COL25A1: variants seen among roughly 807,000 people sequenced by gnomAD.
The protein encoded by COL25A1 is collagen alpha-1(XXV) chain.
A neutral mutation model predicts 128.4 loss-of-function variants in COL25A1; 103 were observed. That is an observed-to-expected ratio of 0.80 (90% confidence interval 0.68 to 0.94). COL25A1 has a LOEUF of 0.94. COL25A1 is among the 40% of genes least tolerant of loss of function. The pLI is 0.00. For missense variants in COL25A1, 745 were observed against 840.0 expected (o/e 0.89, Z 1.40); for synonymous variants, 279 against 277.2 (o/e 1.01, Z -0.06).
chr4:109,247,422 G>A (rs1780345037), intron 3 of COL25A1, among the ~76,000 whole-genome samples: 1 of 152,132 alleles, frequency 6.6e-6, no homozygotes, highest in Non-Finnish European at 1.5e-5. Context: ...GTCAGGTAAG[G>A]AAAAGTGAAA....
At chr4:108,886,059 G>C (rs1285771699) in intron 18 of COL25A1, among the ~76,000 whole-genome samples, 1 of 152,152 alleles carries the variant, frequency 6.6e-6, no homozygotes, top group East Asian at 1.9e-4. Flanking sequence ...TACAGAGATT[G>C]AGCATTTAAC....
chr4:109,142,696 TA>T (rs1185622848), intron 3 of COL25A1, among the ~76,000 whole-genome samples: 2 of 152,200 alleles, frequency 1.3e-5, no homozygotes, highest in Non-Finnish European at 2.9e-5. Context: ...TTTGTTGGCT[TA>T]AAGTCTGTTT....
chr4:109,078,268 G>T (rs1763554008), intron 3 of COL25A1, among the ~76,000 whole-genome samples: 1 of 152,108 alleles, frequency 6.6e-6, no homozygotes, highest in Non-Finnish European at 1.5e-5. Flanking sequence ...AGGGATCTTG[G>T]TTCTATTTAA....
At chr4:108,936,564 C>T (rs1215977223) in intron 11 of COL25A1, among the ~76,000 whole-genome samples, 1 of 151,984 alleles carries the variant, frequency 6.6e-6, no homozygotes, top group East Asian at 1.9e-4. Flanking sequence ...AAGACTCTGT[C>T]TCAAACAAAC....
chr4:108,943,147 G>A lies in COL25A1; in HGVS notation c.493-1710C>T, dbSNP rs1266498080. Among the ~76,000 whole-genome samples, 100 of 152,060 alleles carry A rather than the reference G, an allele frequency of 6.6e-4. 2 individuals are homozygous for A. The highest frequency in any genetic ancestry group is 4.4e-5 in the Non-Finnish European group (3 of 68,032). ...GGTACAATGGGATCTGTGTCTACAC[G>A]GTGTAAAGAGTTTGCTACACGAAGC... On this transcript the variant is annotated intron_variant, in intron 8 of 37. Transcript: ENST00000399132.
chr4:108,906,415 C>A (rs1300707310), intron 13 of COL25A1, among the ~76,000 whole-genome samples: 1 of 152,090 alleles, frequency 6.6e-6, no homozygotes, highest in African/African-American at 2.4e-5. Flanking sequence ...CCCCTGAGTT[C>A]CCCCCACTCC....
intron 3 of COL25A1, among the ~76,000 whole-genome samples, chr4:109,099,982 T>C (rs900466196): frequency 2.0e-5 from 3 of 152,132 alleles, no homozygotes; most frequent in African/African-American, 7.2e-5. Flanking sequence ...GGACAGCATG[T>C]GGGAAATCTC....
chr4:108,870,992 A>G (rs1005678216), intron 19 of COL25A1, among the ~76,000 whole-genome samples: 8 of 152,158 alleles, frequency 5.3e-5, no homozygotes, highest in Admixed American at 4.6e-4. Flanking sequence ...TTGCAAAAAC[A>G]TATTTCTTAT....
rs922401207 is a variant in COL25A1 at position 108,844,582 on chromosome 4, A to T, written c.1579-13T>A. ...GTGGGCCTATGATCTGTATGTCCAAAAAATAAAAATGTATTTGGTTACTTC... is the reference window on the plus strand; with the variant it reads ...GTGGGCCTATGATCTGTATGTCCAATAAATAAAAATGTATTTGGTTACTTC... On this transcript the variant is annotated splice_polypyrimidine_tract_variant and intron_variant, in intron 29 of 37. Transcript: ENST00000399132. The T allele has an allele frequency of 6.2e-7, 1 of 1,606,230 alleles. No homozygotes were observed. The highest frequency in any genetic ancestry group is 8.5e-7 in the Non-Finnish European group (1 of 1,177,850).
At chr4:108,905,320 A>T (rs2125872572) in intron 13 of COL25A1, among the ~76,000 whole-genome samples, 1 of 152,056 alleles carries the variant, frequency 6.6e-6, no homozygotes, top group Admixed American at 6.6e-5. Flanking sequence ...AAATGAAAAA[A>T]TATCTCACTA....
At chr4:108,900,879 C>T (rs1316914335) in intron 14 of COL25A1, among the ~76,000 whole-genome samples, 1 of 152,056 alleles carries the variant, frequency 6.6e-6, no homozygotes, top group African/African-American at 2.4e-5. Context: ...TTAAGTATCT[C>T]AGAATAAAGA....
At chr4:109,246,050 A>G (rs1780245964) in intron 3 of COL25A1, among the ~76,000 whole-genome samples, 1 of 150,612 alleles carries the variant, frequency 6.6e-6, no homozygotes, top group African/African-American at 2.4e-5. Context: ...AAAAAACATA[A>G]ACAATACACA....
chr4:109,278,301 A>C (rs1203635336), intron 3 of COL25A1, among the ~76,000 whole-genome samples: 1 of 152,226 alleles, frequency 6.6e-6, no homozygotes, highest in Admixed American at 6.5e-5. Flanking sequence ...ATAAATGTTC[A>C]GTGATTATAT....
intron 6 of COL25A1, among the ~76,000 whole-genome samples, chr4:108,975,051 G>C (rs951784484): frequency 6.6e-6 from 1 of 152,154 alleles, no homozygotes; most frequent in Non-Finnish European, 1.5e-5. Context: ...GTTGTAGATT[G>C]TTCTTACTGC....
intron 11 of COL25A1, among the ~76,000 whole-genome samples, chr4:108,932,483 C>T (rs1255783892): frequency 1.3e-5 from 2 of 152,084 alleles, no homozygotes; most frequent in African/African-American, 2.4e-5. Context: ...GATACCACTA[C>T]GGCCCAATGA....
chr4:109,019,375 CATATATATATAT>C (rs57842656), intron 5 of COL25A1, among the ~76,000 whole-genome samples: 2 of 48,890 alleles, frequency 4.1e-5, no homozygotes, highest in Non-Finnish European at 6.8e-5. Flanking sequence ...CACACACACA[CATATATATATAT>C]ATATATATAT....
chr4:108,897,036 T>C (rs190303169), intron 15 of COL25A1, among the ~76,000 whole-genome samples: 40 of 152,334 alleles, frequency 2.6e-4, no homozygotes, highest in African/African-American at 9.1e-4. Flanking sequence ...GGCTTTCTCC[T>C]GACAGTTCCC....
intron 3 of COL25A1, among the ~76,000 whole-genome samples, chr4:109,300,337 C>T (rs1725392120): frequency 1.3e-5 from 2 of 152,130 alleles, no homozygotes; most frequent in Admixed American, 1.3e-4. Flanking sequence ...TTGTACATCA[C>T]CTTGCCTATA....
intron 5 of COL25A1, among the ~76,000 whole-genome samples, chr4:109,035,705 A>G (rs1759274312): frequency 6.6e-6 from 1 of 152,114 alleles, no homozygotes; most frequent in Non-Finnish European, 1.5e-5. Flanking sequence ...ATTAAAATCT[A>G]CACATAGGAA....
Sources: allele counts gnomAD v4.1 joint callset (sites outside exome capture counted in the v4.1 genomes callset), GRCh38; gene constraint gnomAD v4.1.1; transcripts MANE v1.5; gene names NCBI Gene and HGNC (gene_info 2026-07-23, HGNC 2026-07-21).